The following MYT1L variants were observed in gnomAD, a reference collection of about 807,000 sequenced individuals.
MYT1L encodes the protein myelin transcription factor 1 like.
MYT1L carries 12 observed loss-of-function variants against 126.7 expected under a neutral mutation model. The ratio of observed to expected loss-of-function variants is 0.09; its 90% confidence interval spans 0.06 to 0.15. The LOEUF (loss-of-function observed/expected upper bound fraction) is 0.15, where lower values mean the gene tolerates loss of function less well. Ranked by LOEUF, MYT1L falls within the 10% of genes least tolerant of loss-of-function variation. The pLI is 1.00. For synonymous variants in MYT1L, 541 were observed against 604.2 expected (o/e 0.90, Z 1.53); for missense variants, 979 against 1,585.2 (o/e 0.62, Z 6.49).
intron 2 of MYT1L, among the ~76,000 whole-genome samples, chr2:2,208,999 TACACAC>T (rs34194445): frequency 1.3e-5 from 2 of 150,066 alleles, no homozygotes; most frequent in Non-Finnish European, 3.0e-5. Flanking sequence ...GGGAGGCATT[TACACAC>T]ACACACACAC....
intron 2 of MYT1L, among the ~76,000 whole-genome samples, chr2:2,241,832 T>A (rs1450223013): frequency 6.6e-6 from 1 of 152,032 alleles, no homozygotes; most frequent in Non-Finnish European, 1.5e-5. Context: ...AAGAGAGCAG[T>A]CACAAAAGAA....
chr2:1,918,321 T>C (rs2053135922), intron 10 of MYT1L, among the ~76,000 whole-genome samples: 1 of 152,242 alleles, frequency 6.6e-6, no homozygotes, highest in African/African-American at 2.4e-5. Flanking sequence ...AATCTAAGTG[T>C]GCAAAACACT....
chr2:1,853,993 C>T (rs1166991109), intron 18 of MYT1L, among the ~76,000 whole-genome samples: 2 of 152,196 alleles, frequency 1.3e-5, no homozygotes, highest in Non-Finnish European at 2.9e-5. Context: ...AATGTCCTGT[C>T]AAATACTTTT....
chr2:1,998,643 A>C (rs986646344), intron 4 of MYT1L, among the ~76,000 whole-genome samples: 1 of 152,200 alleles, frequency 6.6e-6, no homozygotes, highest in African/African-American at 2.4e-5. Flanking sequence ...AAAAATCCTG[A>C]TTAGTCCCTT....
chr2:1,818,355 A>G (rs371701208), intron 21 of MYT1L, among the ~76,000 whole-genome samples: 21 of 152,198 alleles, frequency 1.4e-4, no homozygotes, highest in African/African-American at 4.8e-4. Context: ...TCTGAACATC[A>G]GCTCCACACA....
At chr2:2,326,681 C>T (rs904467659) in intron 1 of MYT1L, 1 of 152,190 alleles carries the variant, frequency 6.6e-6, no homozygotes, top group East Asian at 1.9e-4. Context: ...CACTCTTTCT[C>T]TATCTAATAA....
chr2:2,122,872 T>TGTGTGTGTGTGTGTGTGTGA (rs553951630), intron 3 of MYT1L, among the ~76,000 whole-genome samples: 4 of 132,992 alleles, frequency 3.0e-5, no homozygotes, highest in African/African-American at 8.9e-5. Context: ...TGTGTGTGTG[T>TGTGTGTGTGTGTGTGTGTGA]GAGAGAGAGA....
intron 3 of MYT1L, among the ~76,000 whole-genome samples, chr2:2,130,871 T>G (rs1455817566): frequency 1.3e-5 from 2 of 152,188 alleles, no homozygotes; most frequent in African/African-American, 4.8e-5. Context: ...ACAATTTTAT[T>G]CTTGAAATTT....
At chr2:2,019,074 T>C (rs2064753612) in intron 4 of MYT1L, among the ~76,000 whole-genome samples, 1 of 152,188 alleles carries the variant, frequency 6.6e-6, no homozygotes, top group African/African-American at 2.4e-5. Context: ...ATTAATTTGG[T>C]GACTTATGTA....
At chr2:1,809,226 G>GCTGGGACATT in intron 21 of MYT1L, 59 bp from the exon 22 acceptor site, 4 of 1,519,284 alleles carry the variant, frequency 2.6e-6, no homozygotes, top group Non-Finnish European at 3.7e-6. Flanking sequence ...GCCCTGCAGG[G>GCTGGGACATT]AAGTGGTGGT....
chr2:2,002,881 C>T (rs559103125), intron 4 of MYT1L, among the ~76,000 whole-genome samples: 18 of 152,244 alleles, frequency 1.2e-4, no homozygotes, highest in African/African-American at 4.3e-4. Flanking sequence ...TTGCACTTCT[C>T]CTTCCTGCCA....
intron 3 of MYT1L, among the ~76,000 whole-genome samples, chr2:2,108,658 T>C (rs762755104): frequency 2.0e-5 from 3 of 152,270 alleles, no homozygotes; most frequent in Non-Finnish European, 4.4e-5. Context: ...GTAAGCATCT[T>C]ATGATCCATG....
At chr2:2,194,711 T>C (rs1207245493) in intron 2 of MYT1L, among the ~76,000 whole-genome samples, 1 of 152,164 alleles carries the variant, frequency 6.6e-6, no homozygotes, top group Admixed American at 6.5e-5. Context: ...CATCAGATCC[T>C]TTCATTAACC....
intron 23 of MYT1L, among the ~76,000 whole-genome samples, chr2:1,794,892 C>A (rs994025927): frequency 2.0e-5 from 3 of 152,204 alleles, no homozygotes; most frequent in African/African-American, 7.2e-5. Context: ...AAAGCCCTGG[C>A]CAAAATGATA....
At chr2:2,252,145 G>T (rs2094671196) in intron 2 of MYT1L, among the ~76,000 whole-genome samples, 1 of 152,116 alleles carries the variant, frequency 6.6e-6, no homozygotes, top group South Asian at 2.1e-4. Flanking sequence ...GGCTCTCTCT[G>T]CTGCCCTGTC....
intron 3 of MYT1L, among the ~76,000 whole-genome samples, chr2:2,152,180 C>T (rs899654184): frequency 2.0e-5 from 3 of 152,220 alleles, no homozygotes; most frequent in Non-Finnish European, 4.4e-5. Context: ...ACAAGTGCTG[C>T]GACACTGTGA....
intron 2 of MYT1L, among the ~76,000 whole-genome samples, chr2:2,188,390 C>A (rs1387321940): frequency 6.6e-6 from 1 of 152,204 alleles, no homozygotes. Context: ...CACTGCCAAT[C>A]CCCCAAGCTG....
intron 2 of MYT1L, among the ~76,000 whole-genome samples, chr2:2,255,449 G>C (rs2094782202): frequency 6.6e-6 from 1 of 152,118 alleles, no homozygotes; most frequent in Admixed American, 6.5e-5. Flanking sequence ...CAGAGCATCA[G>C]AGCAGCTGCA....
At chr2:1,810,021 TC>T (rs1196551324) in intron 21 of MYT1L, 2 of 152,194 alleles carry the variant, frequency 1.3e-5, no homozygotes, top group East Asian at 3.9e-4. Context: ...TTCCCTCCCT[TC>T]CAGGGGCTCC....
Sources: allele counts gnomAD v4.1 joint callset (sites outside exome capture counted in the v4.1 genomes callset), GRCh38; gene constraint gnomAD v4.1.1; transcripts MANE v1.5; gene names NCBI Gene and HGNC (gene_info 2026-07-23, HGNC 2026-07-21).